The following CDH4 variants were observed in gnomAD, a reference collection of about 807,000 sequenced individuals.
CDH4 encodes the protein cadherin 4.
A neutral mutation model predicts 86.0 loss-of-function variants in CDH4; 33 were observed. The observed-to-expected ratio is 0.38, with a 90% CI of 0.29 to 0.51. The LOEUF (loss-of-function observed/expected upper bound fraction) is 0.51. CDH4 is among the 20% of genes least tolerant of loss of function. The pLI, the probability that CDH4 is intolerant of heterozygous loss-of-function variation, is 0.86. For synonymous variants in CDH4, 555 were observed against 549.4 expected (o/e 1.01, Z -0.14); for missense variants, 1,114 against 1,307.4 (o/e 0.85, Z 2.28).
At chr20:61,373,049 C>A (rs1028840735) in intron 2 of CDH4, among the ~76,000 whole-genome samples, 5 of 152,254 alleles carry the variant, frequency 3.3e-5, no homozygotes, top group Admixed American at 1.3e-4. Flanking sequence ...TGATTCCTGG[C>A]TAATTTTCTA....
At chr20:61,933,434 C>T (rs916003799) in intron 14 of CDH4, among the ~76,000 whole-genome samples, 10 of 152,236 alleles carry the variant, frequency 6.6e-5, no homozygotes, top group African/African-American at 2.2e-4. Context: ...CCGATGCCCA[C>T]TCGCGGATGC....
At chr20:61,267,370 G>C (rs1227797688) in intron 2 of CDH4, among the ~76,000 whole-genome samples, 1 of 152,080 alleles carries the variant, frequency 6.6e-6, no homozygotes, top group Non-Finnish European at 1.5e-5. Flanking sequence ...GATTCCCCAG[G>C]GGCTGCATCC....
chr20:61,422,147 C>T (rs866944388), intron 2 of CDH4, among the ~76,000 whole-genome samples: 4 of 152,162 alleles, frequency 2.6e-5, no homozygotes, highest in Middle Eastern at 3.2e-3. Flanking sequence ...ACAAATCTCA[C>T]TGGGCACGGT....
intron 2 of CDH4, among the ~76,000 whole-genome samples, chr20:61,290,499 C>G (rs118163774): frequency 8.8e-5 from 11 of 124,554 alleles, no homozygotes; most frequent in African/African-American, 1.3e-4. Flanking sequence ...GATTTATCCC[C>G]ATATCCAATG....
intron 4 of CDH4, among the ~76,000 whole-genome samples, chr20:61,779,171 G>A (rs995796967): frequency 2.0e-5 from 3 of 152,244 alleles, no homozygotes; most frequent in African/African-American, 7.2e-5. Flanking sequence ...GCTTGGCTGA[G>A]TCTAATACCA....
In CDH4 at chr20:61,829,888, T is replaced by C. The variant is rs1047992949; in HGVS notation, c.577-14780T>C. ...CCCTCCCGCCCCTAGCCTGCTGGGG[T>C]GGGAGGGACGAGGCTCCTGCCCGGC... On this transcript the variant is annotated intron_variant, in intron 4 of 15. Transcript: ENST00000614565. This position sits in a 1 kb window ranked among gnomAD's most constrained non-coding sequence, Gnocchi z 4.2. 3.3e-5 allele frequency among the ~76,000 whole-genome samples: 5 copies of C among 151,534 alleles called. No homozygotes were observed. Among genetic ancestry groups the C allele is most frequent in the African/African-American group, 4.9e-5 (2 of 41,176 alleles).
chr20:61,356,610 C>A (rs1163352330), intron 2 of CDH4, among the ~76,000 whole-genome samples: 1 of 152,160 alleles, frequency 6.6e-6, no homozygotes, highest in Non-Finnish European at 1.5e-5. Context: ...ACTGACAGTG[C>A]AATATTATGC....
intron 2 of CDH4, among the ~76,000 whole-genome samples, chr20:61,427,156 G>A (rs1311858549): frequency 6.6e-6 from 1 of 152,218 alleles, no homozygotes; most frequent in Non-Finnish European, 1.5e-5. Context: ...GCTTCCTGCC[G>A]CATTTGCAGA....
chr20:61,518,234 C>G lies in CDH4; in HGVS notation c.170-225329C>G, dbSNP rs74524979. ...AGTTCCTAGGACGAGGAAGCCCGTG[C>G]CTCTCCACAGGCTGACTGCATGGTG... On this transcript the variant is annotated intron_variant, in intron 2 of 15. Transcript: ENST00000614565. This position sits in a 1 kb window ranked among gnomAD's most constrained non-coding sequence, Gnocchi z 6.3. Among the ~76,000 whole-genome samples, 275 of 152,286 alleles carry G rather than the reference C, an allele frequency of 1.8e-3. 1 individual carries two copies. The highest frequency in any genetic ancestry group is 6.2e-3 in the African/African-American group (257 of 41,548).
chr20:61,911,866 T>C (rs2054854941), intron 9 of CDH4, among the ~76,000 whole-genome samples: 1 of 152,226 alleles, frequency 6.6e-6, no homozygotes, highest in South Asian at 2.1e-4. Context: ...CATTTTGAGT[T>C]GGATCATTTA....
chr20:61,852,853 A>G lies in CDH4; in HGVS notation c.832A>G (p.Ile278Val). 6.2e-7 allele frequency: 1 copy of G among 1,614,058 alleles called. No homozygotes were observed. Among genetic ancestry groups the G allele is most frequent in the Non-Finnish European group, 8.5e-7 (1 of 1,179,960 alleles). ...CATGAATGACAACCGCCCTGAGTTC[A>G]TCAACCAGGTCTACAACGGCTCCGT... is the stretch of plus-strand genomic sequence containing the variant. Reference protein sequence around the residue: ...IDMNDNRPEFINQVYNGSVDE... With the variant: ...IDMNDNRPEFVNQVYNGSVDE... Residue 278 changes from isoleucine (I) to valine (V), a missense_variant, in exon 6 of 16, where the codon ATC becomes GTC. Physicochemically the swap from Ile to Val is conservative, Grantham distance 29 (BLOSUM62 3). Around this residue, in one of 3 missense-constraint regions of CDH4, gnomAD observed 705 missense variants for 914.1 expected, o/e 0.77. Transcript: ENST00000614565.
intron 2 of CDH4, among the ~76,000 whole-genome samples, chr20:61,416,685 C>G (rs1439624446): frequency 1.3e-5 from 2 of 152,194 alleles, no homozygotes; most frequent in Non-Finnish European, 2.9e-5. Context: ...CACTCACACC[C>G]CAGCTCTGCT....
intron 2 of CDH4, among the ~76,000 whole-genome samples, chr20:61,612,768 G>A (rs1240515120): frequency 1.3e-5 from 2 of 152,134 alleles, no homozygotes; most frequent in Admixed American, 6.5e-5. Flanking sequence ...TTCTGCTAAT[G>A]TGACGGTTTT....
intron 6 of CDH4, among the ~76,000 whole-genome samples, chr20:61,854,810 G>A (rs1982918430): frequency 6.7e-6 from 1 of 148,980 alleles, no homozygotes; most frequent in Non-Finnish European, 1.5e-5. Flanking sequence ...GTGTGAACAG[G>A]GTGAATTGCG....
chr20:61,565,381 TTGGTGATGGGGTGA>T (rs1448953653), intron 2 of CDH4, among the ~76,000 whole-genome samples: 2 of 85,834 alleles, frequency 2.3e-5, no homozygotes, highest in Non-Finnish European at 4.5e-5. Flanking sequence ...GGTGGTCCTC[TTGGTGATGGGGTGA>T]TGGTGGTGGC....
intron 2 of CDH4, among the ~76,000 whole-genome samples, chr20:61,527,939 G>C (rs1254971395): frequency 6.6e-6 from 1 of 152,176 alleles, no homozygotes; most frequent in Non-Finnish European, 1.5e-5. Flanking sequence ...TTGGTTTTGA[G>C]AGTGGTGATG....
intron 2 of CDH4, among the ~76,000 whole-genome samples, chr20:61,593,868 G>T (rs2086535150): frequency 6.6e-6 from 1 of 151,300 alleles, no homozygotes. Context: ...CTCACCAAGG[G>T]TCCCCCCAGC....
intron 2 of CDH4, among the ~76,000 whole-genome samples, chr20:61,287,719 G>A (rs1489801605): frequency 2.6e-5 from 4 of 152,138 alleles, no homozygotes; most frequent in South Asian, 2.1e-4. Context: ...GCATGGAGGC[G>A]GGGAGAGAGA....
At chr20:61,889,126 C>T (rs1165855682) in intron 7 of CDH4, among the ~76,000 whole-genome samples, 1 of 152,226 alleles carries the variant, frequency 6.6e-6, no homozygotes. Flanking sequence ...ACTCCCTCCT[C>T]CCTCTAGTGA....
Sources: allele counts gnomAD v4.1 joint callset (sites outside exome capture counted in the v4.1 genomes callset), GRCh38; gene constraint gnomAD v4.1.1; regional missense constraint gnomAD v4.1.1; non-coding constraint Gnocchi (gnomAD v3.1); transcripts MANE v1.5; gene names NCBI Gene and HGNC (gene_info 2026-07-23, HGNC 2026-07-21).